LIPC: variants seen among roughly 807,000 people sequenced by gnomAD.
LIPC encodes hepatic triacylglycerol lipase.
In LIPC, 44 loss-of-function variants were observed where a neutral mutation model predicts 50.7. That is an observed-to-expected ratio of 0.87 (90% CI 0.68 to 1.11). The LOEUF (loss-of-function observed/expected upper bound fraction) is 1.11, where lower values mean the gene tolerates loss of function less well. Ranked by LOEUF, LIPC falls within the 50% of genes most tolerant of loss-of-function variation. The pLI, the probability that LIPC is intolerant of heterozygous loss-of-function variation, is 0.00. For synonymous variants in LIPC, 271 were observed against 256.4 expected (o/e 1.06, Z -0.54); for missense variants, 697 against 648.2 (o/e 1.08, Z -0.82).
At chr15:58,481,700 A>G (rs1190019161) in intron 1 of LIPC, among the ~76,000 whole-genome samples, 1 of 152,212 alleles carries the variant, frequency 6.6e-6, no homozygotes, top group Non-Finnish European at 1.5e-5. Context: ...CGAGAGGCTG[A>G]GGCAGGGAGA....
At position 58,538,382 on chromosome 15, in the gene LIPC, T is replaced by TGAGATGAAGAC; in HGVS notation, c.139_149dup (p.Phe52Ter). The TGAGATGAAGAC allele has an allele frequency of 6.2e-7, 1 of 1,613,226 alleles. No homozygotes were observed. The highest frequency in any genetic ancestry group is 8.5e-7 in the Non-Finnish European group (1 of 1,179,196). ...CTGTTGAAACAAACAAAACGCTGCA[T>TGAGATGAAGAC]GAGATGAAGACCAGATTCCTGCTCT... On this transcript the variant is annotated frameshift_variant, in exon 2 of 9. Transcript: ENST00000299022. LOFTEE classifies it high-confidence loss of function.
At chr15:58,473,208 G>A (rs1890872066) in intron 1 of LIPC, among the ~76,000 whole-genome samples, 1 of 152,162 alleles carries the variant, frequency 6.6e-6, no homozygotes, top group Non-Finnish European at 1.5e-5. Flanking sequence ...TATGCTGCCA[G>A]GGTGGGTTTT....
In LIPC at chr15:58,459,743, C is replaced by G. The variant is rs75870940; in HGVS notation, c.88+27623C>G. On this transcript the variant is annotated intron_variant, in intron 1 of 8. Coordinates refer to ENST00000299022, the MANE Select transcript of LIPC (RefSeq NM_000236.3). ...TCTGCAGCTGTCACAGGAAGGAATC[C>G]ACACCCGTCCCCAAGGACGCCTGCA... is the stretch of plus-strand genomic sequence containing the variant. Among the ~76,000 whole-genome samples the G allele has an allele frequency of 5.5e-3, 839 of 152,342 alleles. 11 individuals are homozygous for G. The highest frequency in any genetic ancestry group is 0.019 in the African/African-American group (805 of 41,572).
chr15:58,529,437 G>A (rs1287705507), intron 1 of LIPC, among the ~76,000 whole-genome samples: 2 of 152,220 alleles, frequency 1.3e-5, no homozygotes, highest in Non-Finnish European at 2.9e-5. Flanking sequence ...GGTGTTTGAA[G>A]GGTGAAGGTC....
chr15:58,516,237 C>CTTTTTTTTTTT (rs11351202), intron 1 of LIPC, among the ~76,000 whole-genome samples: 5 of 45,136 alleles, frequency 1.1e-4, no homozygotes, highest in African/African-American at 1.6e-4. Flanking sequence ...CCTCTAGCTT[C>CTTTTTTTTTTT]TTTTTTTTTT....
chr15:58,476,473 GGT>G (rs1196856616), intron 1 of LIPC, among the ~76,000 whole-genome samples: 1 of 152,236 alleles, frequency 6.6e-6, no homozygotes, highest in East Asian at 1.9e-4. Context: ...CTTCTGGGAA[GGT>G]GTGAGTTGGA....
chr15:58,462,260 C>T (rs1241367240), intron 1 of LIPC, among the ~76,000 whole-genome samples: 3 of 152,146 alleles, frequency 2.0e-5, no homozygotes, highest in African/African-American at 4.8e-5. Context: ...CAGCACATGG[C>T]ATATAGTGGA....
chr15:58,500,002 G>C (rs1028479477), intron 1 of LIPC, among the ~76,000 whole-genome samples: 4 of 152,128 alleles, frequency 2.6e-5, no homozygotes, highest in Non-Finnish European at 5.9e-5. Context: ...TGTCCAGCTG[G>C]AGTAAGGAGA....
chr15:58,567,810 A>T (rs1182408608), intron 8 of LIPC, among the ~76,000 whole-genome samples: 3 of 152,210 alleles, frequency 2.0e-5, no homozygotes, highest in African/African-American at 7.2e-5. Context: ...AATGCATAGG[A>T]ACAAGTCTGG....
At chr15:58,434,615 C>G (rs1313732738) in intron 1 of LIPC, among the ~76,000 whole-genome samples, 2 of 152,374 alleles carry the variant, frequency 1.3e-5, no homozygotes, top group Middle Eastern at 3.4e-3. Context: ...GTTCCTCTCA[C>G]AGAGAGGGAG....
intron 6 of LIPC, among the ~76,000 whole-genome samples, chr15:58,558,484 C>T (rs1894036855): frequency 6.6e-6 from 1 of 152,200 alleles, no homozygotes; most frequent in African/African-American, 2.4e-5. Flanking sequence ...GGTCCCCAAC[C>T]CCCGAGCTAC....
chr15:58,563,555 A>C lies in LIPC; in HGVS notation c.1220A>C (p.Asp407Ala). 6.2e-7 allele frequency: 1 copy of C among 1,614,154 alleles called. No homozygotes were observed. The highest frequency in any genetic ancestry group is 2.2e-5 in the East Asian group (1 of 44,880). Residue 407 changes from aspartate (D) to alanine (A), a missense_variant, in exon 8 of 9, where the codon GAT becomes GCT. Asp to Ala is a moderately radical substitution (Grantham distance 126). Coordinates refer to ENST00000299022, the MANE Select transcript of LIPC (RefSeq NM_000236.3). ...ACGTATTCCTTTCTTATCACGCTGG[A>C]TGTGGATATCGGCGAGCTGATCATG... ...NKTYSFLITLDVDIGELIMIK... is the reference protein window; with the variant it reads ...NKTYSFLITLAVDIGELIMIK...
chr15:58,495,192 G>A (rs549985576), intron 1 of LIPC, among the ~76,000 whole-genome samples: 9 of 152,164 alleles, frequency 5.9e-5, no homozygotes, highest in African/African-American at 2.2e-4. Flanking sequence ...TCTCATCCTT[G>A]ACTGCAGTGT....
At chr15:58,467,164 A>G in intron 1 of LIPC, among the ~76,000 whole-genome samples, 1 of 152,202 alleles carries the variant, frequency 6.6e-6, no homozygotes, top group East Asian at 1.9e-4. Flanking sequence ...AATCCAGTAG[A>G]CCAATGAAGC....
rs1762254342 is a variant in LIPC, at chr15:58,545,795, T to C, written c.628T>C (p.Ser210Pro). ...GGGAAGTGCCCCCAGCAATCGTCTT[T>C]CTCCAGATGATGCCAATTTTGTGGA... ...FEGSAPSNRL[S>P]PDDANFVDAI... Residue 210 changes from serine to proline, a missense_variant, in exon 5 of 9, where the codon TCT becomes CCT. Ser to Pro is a moderately conservative substitution (Grantham distance 74). Coordinates refer to ENST00000299022, the MANE Select transcript of LIPC (RefSeq NM_000236.3). The C allele has an allele frequency of 6.2e-7, 1 of 1,614,176 alleles. No individual in the cohort carries two copies. Among genetic ancestry groups the C allele is most frequent in the Non-Finnish European group, 8.5e-7 (1 of 1,180,018 alleles).
chr15:58,470,020 C>A (rs907839442), intron 1 of LIPC, among the ~76,000 whole-genome samples: 132 of 150,422 alleles, frequency 8.8e-4, no homozygotes, highest in African/African-American at 3.1e-3. Context: ...GCAGTCTTGA[C>A]CTCCCAGGCT....
chr15:58,496,071 C>G (rs1458026059), intron 1 of LIPC, among the ~76,000 whole-genome samples: 1 of 152,156 alleles, frequency 6.6e-6, no homozygotes, highest in African/African-American at 2.4e-5. Context: ...GAAACCCAAG[C>G]CTTCTCATCC....
chr15:58,442,912 T>G (rs1254447961), intron 1 of LIPC, among the ~76,000 whole-genome samples: 1 of 152,006 alleles, frequency 6.6e-6, no homozygotes, highest in African/African-American at 2.4e-5. Flanking sequence ...CTCATTTGGT[T>G]TGGGGGGTTG....
intron 1 of LIPC, among the ~76,000 whole-genome samples, chr15:58,462,850 G>A (rs1007529910): frequency 2.0e-5 from 3 of 152,180 alleles, no homozygotes; most frequent in Admixed American, 6.5e-5. Flanking sequence ...CCCTTTCCAA[G>A]ACCAGCTGAG....
Sources: gnomAD v4.1 joint callset for allele counts (sites outside exome capture counted in the v4.1 genomes callset) on GRCh38, gnomAD v4.1.1 for gene constraint, MANE v1.5 for transcripts, NCBI Gene and HGNC (gene_info 2026-07-23, HGNC 2026-07-21) for gene names.